FGF14: variants seen among roughly 807,000 people sequenced by gnomAD.
The protein encoded by FGF14 is fibroblast growth factor homologous factor 4.
FGF14 carries 5 observed loss-of-function variants against 25.5 expected under a neutral mutation model. The observed-to-expected ratio is 0.20, with a 90% CI of 0.10 to 0.41. FGF14 has a LOEUF of 0.41. Among genes scored for constraint, FGF14 ranks in the 10% least tolerant of loss-of-function variants. The pLI is 1.00. For synonymous variants in FGF14, 138 were observed against 118.3 expected, an observed-to-expected ratio of 1.17 and a Z score of -1.08; for missense variants, 222 against 320.1, an observed-to-expected ratio of 0.69 and a Z score of 2.34.
In FGF14 at chr13:101,800,411, T is replaced by A. The variant is rs115987567; in HGVS notation, c.408+68314A>T. On this transcript the variant is annotated intron_variant, in intron 3 of 4. Coordinates refer to ENST00000376143, the MANE Select transcript of FGF14 (RefSeq NM_004115.4). ...ATGTGTAATAATGTGATAATATTCA[T>A]ATAAAATAATAGTAATAACAGTGGA... 6.9e-3 allele frequency among the ~76,000 whole-genome samples: 1,054 copies of A among 152,306 alleles called. 12 individuals carry two copies. The highest frequency in any genetic ancestry group is 0.023 in the African/African-American group (968 of 41,584).
chr13:101,983,291 T>G (rs971673793), intron 1 of FGF14, among the ~76,000 whole-genome samples: 6 of 152,242 alleles, frequency 3.9e-5, no homozygotes, highest in Admixed American at 6.5e-5. Context: ...CTTAATTCTA[T>G]ATTTTATATC....
chr13:101,850,781 AT>A (rs2043807527), intron 3 of FGF14, among the ~76,000 whole-genome samples: 1 of 150,334 alleles, frequency 6.7e-6, no homozygotes, highest in South Asian at 2.1e-4. Context: ...TGCCCAATAG[AT>A]TTTTGCTCAA....
chr13:102,283,444 A>C (rs1036677060), intron 1 of FGF14, among the ~76,000 whole-genome samples: 2 of 152,202 alleles, frequency 1.3e-5, no homozygotes, highest in Non-Finnish European at 2.9e-5. Context: ...CTGATGAATG[A>C]GAATAAGATT....
intron 1 of FGF14, among the ~76,000 whole-genome samples, chr13:102,131,950 A>C (rs1419984038): frequency 2.0e-5 from 3 of 152,240 alleles, no homozygotes; most frequent in Non-Finnish European, 4.4e-5. Flanking sequence ...AAGTACTCTT[A>C]CGTCCTTGTA....
intron 1 of FGF14, among the ~76,000 whole-genome samples, chr13:102,086,636 C>T (rs1215493979): frequency 6.6e-6 from 1 of 152,088 alleles, no homozygotes; most frequent in Non-Finnish European, 1.5e-5. Flanking sequence ...ACAAAAAACC[C>T]GATGTTTTTA....
intron 2 of FGF14, among the ~76,000 whole-genome samples, chr13:101,871,434 C>T (rs1371781880): frequency 3.3e-5 from 5 of 152,132 alleles, no homozygotes; most frequent in Admixed American, 6.5e-5. Context: ...TAATATACAA[C>T]TAAGGACGGT....
chr13:102,330,403 T>G (rs2056597546), intron 1 of FGF14, among the ~76,000 whole-genome samples: 1 of 152,156 alleles, frequency 6.6e-6, no homozygotes, highest in Non-Finnish European at 1.5e-5. Flanking sequence ...TCAAGAACAT[T>G]GCTATAGCAA....
chr13:101,746,126 T>C (rs902753824), intron 3 of FGF14, among the ~76,000 whole-genome samples: 2 of 152,042 alleles, frequency 1.3e-5, no homozygotes, highest in East Asian at 1.9e-4. Flanking sequence ...CATTGTCACA[T>C]TGGACTCCTC....
rs137990221 is a variant in FGF14 at position 102,027,540 on chromosome 13, A to T, written c.209-152244T>A. On this transcript the variant is annotated intron_variant, in intron 1 of 4. Transcript: ENST00000376131. ...GGTTTAAATTATCTTGAATTCCCCC[A>T]ATTTACTTATTCCACACATAAAAGA... Among the ~76,000 whole-genome samples the T allele has an allele frequency of 6.0e-3, 916 of 152,180 alleles. 8 individuals carry two copies. Among genetic ancestry groups the T allele is most frequent in the Non-Finnish European group, 7.0e-3 (476 of 67,978 alleles).
chr13:102,299,993 G>A (rs1444357664), intron 1 of FGF14: 4 of 152,068 alleles, frequency 2.6e-5, no homozygotes, highest in South Asian at 2.1e-4. Flanking sequence ...TTCATCATTC[G>A]TGTGTTTGAA....
chr13:102,227,263 T>G lies in FGF14; in HGVS notation c.208+174208A>C, dbSNP rs7989725. Reference sequence around the variant, plus strand: ...TTGCTTCATGGAATTTTTTTCTTGCTTTTTCTCAGTTTGGAATGTCCTAGC... The same window carrying G: ...TTGCTTCATGGAATTTTTTTCTTGCGTTTTCTCAGTTTGGAATGTCCTAGC... On this transcript the variant is annotated intron_variant, in intron 1 of 4. Transcript: ENST00000376131. Among the ~76,000 whole-genome samples, 743 of 152,250 alleles carry G rather than the reference T, an allele frequency of 4.9e-3. 3 individuals carry two copies. The highest frequency in any genetic ancestry group is 8.0e-3 in the Non-Finnish European group (544 of 68,014).
intron 1 of FGF14, among the ~76,000 whole-genome samples, chr13:102,363,202 T>C (rs1024450337): frequency 1.3e-5 from 2 of 152,210 alleles, no homozygotes; most frequent in Non-Finnish European, 2.9e-5. Context: ...TAATATACTC[T>C]GAAATTCAAA....
rs184043530 is a variant in FGF14, at chr13:101,712,962, G to A, written c.*9869C>T. On this transcript the variant is annotated 3_prime_UTR_variant, in exon 5 of 5. Transcript: ENST00000376143. ...AGTCAATTATTAAAACTGAGAAGAC[G>A]TGTATATTTCCTCAAGAGCATGCAA... The A allele has an allele frequency of 5.4e-4, 82 of 152,228 alleles. 1 individual carries two copies. Among genetic ancestry groups the A allele is most frequent in the African/African-American group, 1.8e-3 (76 of 41,506 alleles). 9.4% of individuals were successfully genotyped at this position (152,228 alleles called of 1,614,324 possible). A position where few individuals can be genotyped will look rare whatever the true frequency, so the allele number is the denominator to read the frequency against.
chr13:102,076,860 C>A (rs1222299396), intron 1 of FGF14, among the ~76,000 whole-genome samples: 1 of 152,102 alleles, frequency 6.6e-6, no homozygotes, highest in Non-Finnish European at 1.5e-5. Flanking sequence ...CATCACATTA[C>A]CTGACTTCAA....
chr13:101,746,779 A>C (rs1198783702), intron 3 of FGF14, among the ~76,000 whole-genome samples: 2 of 151,956 alleles, frequency 1.3e-5, no homozygotes, highest in Non-Finnish European at 2.9e-5. Flanking sequence ...AATGTGAAAA[A>C]TGGTGTCCCT....
intron 1 of FGF14, among the ~76,000 whole-genome samples, chr13:102,087,467 A>G (rs898623236): frequency 1.7e-5 from 2 of 116,464 alleles, no homozygotes; most frequent in African/African-American, 3.4e-5. Context: ...GCTGGAGTGT[A>G]GTGGCGTGAT....
At chr13:101,901,965 TCATATA>T (rs1369184509) in intron 1 of FGF14, among the ~76,000 whole-genome samples, 4 of 152,198 alleles carry the variant, frequency 2.6e-5, no homozygotes, top group Non-Finnish European at 5.9e-5. Context: ...TTGGACATAT[TCATATA>T]CTTGTGATAC....
intron 1 of FGF14, among the ~76,000 whole-genome samples, chr13:101,986,466 C>T (rs976340633): frequency 6.6e-6 from 1 of 151,998 alleles, no homozygotes; most frequent in Non-Finnish European, 1.5e-5. Flanking sequence ...CCAAGCTGTA[C>T]CCCAGGGAAT....
chr13:101,915,571 G>A (rs573008296), intron 1 of FGF14, among the ~76,000 whole-genome samples: 1 of 152,110 alleles, frequency 6.6e-6, no homozygotes, highest in Non-Finnish European at 1.5e-5. Flanking sequence ...AGACAAAAGC[G>A]CCTGGCTCCT....
Sources: allele counts gnomAD v4.1 joint callset (sites outside exome capture counted in the v4.1 genomes callset), GRCh38; gene constraint gnomAD v4.1.1; transcripts MANE v1.5; gene names NCBI Gene and HGNC (gene_info 2026-07-23, HGNC 2026-07-21).